Variants in PLEKHG4B observed in about 807,000 individuals in gnomAD.
PLEKHG4B encodes the protein pleckstrin homology domain-containing family G member 4B.
In PLEKHG4B, 111 loss-of-function variants were observed where a neutral mutation model predicts 121.3. The ratio of observed to expected loss-of-function variants is 0.92; its 90% CI spans 0.78 to 1.07. The LOEUF (loss-of-function observed/expected upper bound fraction) is 1.07. PLEKHG4B is among the 50% of genes least tolerant of loss of function. The pLI is 0.00. For synonymous variants in PLEKHG4B, 738 were observed against 725.0 expected, an observed-to-expected ratio of 1.02 and a Z score of -0.29; for missense variants, 1,831 against 1,757.8, an observed-to-expected ratio of 1.04 and a Z score of -0.74.
intron 2 of PLEKHG4B, among the ~76,000 whole-genome samples, chr5:132,872 G>A (rs1315920643): frequency 1.3e-5 from 2 of 152,128 alleles, no homozygotes; most frequent in Non-Finnish European, 2.9e-5. Context: ...CTTTGGCTGT[G>A]TGGGGTCTTT....
intron 13 of PLEKHG4B, 68 bp from the exon 14 acceptor site, chr5:169,272 G>T: frequency 6.3e-7 from 1 of 1,581,584 alleles, no homozygotes; most frequent in Non-Finnish European, 8.6e-7. Flanking sequence ...TCTGTCTCAG[G>T]CATGAATTGC....
At chr5:171,181 G>T (rs545919657) in intron 15 of PLEKHG4B, 33 bp from the exon 16 acceptor site, 4 of 1,605,524 alleles carry the variant, frequency 2.5e-6, no homozygotes, top group East Asian at 2.2e-5. Context: ...CCTCAGCCAG[G>T]CCGGAGCTGA....
chr5:140,759 C>T (rs1258351672), intron 3 of PLEKHG4B, 43 bp downstream of exon 3: 1 of 1,468,972 alleles, frequency 6.8e-7, no homozygotes, highest in Non-Finnish European at 9.0e-7. Flanking sequence ...CCCACAACCT[C>T]CCCTACACAT....
Position 163,503 on chromosome 5 carries a change from C to T in PLEKHG4B, c.3431C>T (p.Ser1144Leu), listed in dbSNP as rs200369452. Residue 1144 changes from serine (S) to leucine (L), a missense_variant, in exon 13 of 20, where the codon TCG becomes TTG. By Grantham distance (145) the Ser-to-Leu change is moderately radical (BLOSUM62 -2). Coordinates refer to ENST00000637938, the MANE Select transcript of PLEKHG4B (RefSeq NM_052909.5). ...VTQSRSLSSPSGLHPAEEDGR... is the reference protein window; with the variant it reads ...VTQSRSLSSPLGLHPAEEDGR... ...CAGAGCCGGAGTCTGTCCTCCCCCT[C>T]GGGGCTCCACCCTGCTGAGGAGGAT... The T allele has an allele frequency of 4.5e-5, 72 of 1,611,712 alleles. No individual in the cohort carries two copies. The Admixed American group carries it at 4.5e-4, about 10-fold the overall frequency.
rs1405293021 is a variant in PLEKHG4B, at chr5:183,321, G to A, written c.*998G>A. On this transcript the variant is annotated 3_prime_UTR_variant, in exon 20 of 20. Transcript: ENST00000637938. ...AGGTAAACTCACAGTGCCTGACCTC[G>A]GAGTGCCAGGCGTGCAGAGGAGCAG... The A allele has an allele frequency of 6.6e-6, 1 of 152,180 alleles. No homozygotes were observed. Among genetic ancestry groups the A allele is most frequent in the Non-Finnish European group, 1.5e-5 (1 of 68,048 alleles). 9.4% of individuals were successfully genotyped at this position (152,180 alleles called of 1,614,324 possible). A position where few individuals can be genotyped will look rare whatever the true frequency, so the allele number is the denominator to read the frequency against.
chr5:143,263 G>A lies in PLEKHG4B; in HGVS notation c.1687+7G>A, dbSNP rs779017572. 5.0e-6 allele frequency: 8 copies of A among 1,609,678 alleles called. No homozygotes were observed. The highest frequency in any genetic ancestry group is 1.1e-5 in the South Asian group (1 of 91,070). ...GGGGTCGTCACCCTCCCAGGTGAGAGCACATGCCAGGCTCTCCTGTCAGGG... is the reference window on the plus strand; with the variant it reads ...GGGGTCGTCACCCTCCCAGGTGAGAACACATGCCAGGCTCTCCTGTCAGGG... On this transcript the variant is annotated splice_region_variant and intron_variant, in intron 4 of 19. Transcript: ENST00000637938.
At chr5:93,811 G>T (rs1415191579) in intron 1 of PLEKHG4B, among the ~76,000 whole-genome samples, 1 of 152,200 alleles carries the variant, frequency 6.6e-6, no homozygotes, top group African/African-American at 2.4e-5. Flanking sequence ...GCCCAGAAAT[G>T]CTGGGCTGAG....
Position 113,507 on chromosome 5 carries a change from C to T in PLEKHG4B, c.243+59C>T. The T allele has an allele frequency of 2.5e-6, 1 of 398,912 alleles. No individual in the cohort carries two copies. Among genetic ancestry groups the T allele is most frequent in the East Asian group, 3.6e-5 (1 of 28,064 alleles). The allele number at this position is 398,912 out of a possible 1,614,324, so 24.7% of individuals were successfully genotyped here. ...CCAACCTGGAGGAACCTGCCCTTTC[C>T]CTGGGCAGGGCAGGAATTGGGCCCA... On this transcript the variant is annotated intron_variant, in intron 2 of 19. Transcript: ENST00000637938. The surrounding 1 kb of genome is among the most constrained non-coding windows in gnomAD (Gnocchi z 5.2).
At chr5:181,435 A>G in intron 18 of PLEKHG4B, 79 bp from the exon 19 acceptor site, 1 of 1,463,358 alleles carries the variant, frequency 6.8e-7, no homozygotes, top group Middle Eastern at 2.2e-4. Flanking sequence ...GGCTGAGGGC[A>G]TTAGGGGTAC....
At chr5:106,902 G>A (rs936921727) in intron 1 of PLEKHG4B, among the ~76,000 whole-genome samples, 7 of 152,222 alleles carry the variant, frequency 4.6e-5, no homozygotes, top group South Asian at 2.1e-4. Flanking sequence ...GTGTATGTAC[G>A]TGTGTGTGCA....
At chr5:147,171 C>T (rs1335540740) in intron 6 of PLEKHG4B, among the ~76,000 whole-genome samples, 1 of 152,228 alleles carries the variant, frequency 6.6e-6, no homozygotes, top group African/African-American at 2.4e-5. Context: ...GAGGTCCAGA[C>T]AAGAAGTGCC....
At position 143,511 on chromosome 5, in the gene PLEKHG4B, G is replaced by C. The variant is rs200394147; in HGVS notation, c.1811+8G>C. ...CTTCCATAGCATCCCCAGGTGGGAC[G>C]GGGGGCAAGGCCGCACCCTGCAGAC... On this transcript the variant is annotated splice_region_variant and intron_variant, in intron 5 of 19. Coordinates refer to ENST00000637938, the MANE Select transcript of PLEKHG4B (RefSeq NM_052909.5). 4 of 1,612,238 alleles carry C rather than the reference G, an allele frequency of 2.5e-6. No homozygotes were observed. The highest frequency in any genetic ancestry group is 1.1e-5 in the South Asian group (1 of 91,058).
At position 157,609 on chromosome 5, in the gene PLEKHG4B, G is replaced by T. The variant is rs1579300670; in HGVS notation, c.2487+698G>T. Among the ~76,000 whole-genome samples the T allele has an allele frequency of 6.6e-6, 1 of 152,090 alleles. No homozygotes were observed. Among genetic ancestry groups the T allele is most frequent in the Non-Finnish European group, 1.5e-5 (1 of 68,018 alleles). On this transcript the variant is annotated intron_variant, in intron 11 of 19. Coordinates refer to ENST00000637938, the MANE Select transcript of PLEKHG4B (RefSeq NM_052909.5). The surrounding 1 kb of genome is among the most constrained non-coding windows in gnomAD (Gnocchi z 4.6). ...TCTGAAATGATTGCTTAGCTCGGGGGGCACCAGCGAAATGATTGCTTAGCT... is the reference window on the plus strand; with the variant it reads ...TCTGAAATGATTGCTTAGCTCGGGGTGCACCAGCGAAATGATTGCTTAGCT...
chr5:183,538 G>C lies in PLEKHG4B; in HGVS notation c.*1215G>C, dbSNP rs1192089058. 2 of 152,232 alleles carry C rather than the reference G, an allele frequency of 1.3e-5. No individual in the cohort carries two copies. The highest frequency in any genetic ancestry group is 6.5e-5 in the Admixed American group (1 of 15,284). 9.4% of individuals were successfully genotyped at this position (152,232 alleles called of 1,614,324 possible). On this transcript the variant is annotated 3_prime_UTR_variant, in exon 20 of 20. Transcript: ENST00000637938. ...GCGGATCACGAGGTCAGGAGATCAA[G>C]ACCATCCTGGCTAACATGGTGAAAC...
chr5:138,040 G>C (rs1159727974), intron 2 of PLEKHG4B, among the ~76,000 whole-genome samples: 5 of 152,232 alleles, frequency 3.3e-5, no homozygotes, highest in Admixed American at 6.5e-5. Flanking sequence ...GCCAATGTCT[G>C]TATGGACTGT....
In PLEKHG4B at chr5:139,724, C is replaced by T. The variant is rs1286908976; in HGVS notation, c.485C>T (p.Ala162Val). ...ATGTATGGCTGTGTCTTCACGGGGG[C>T]GTTCCTGGAGTGGGTGAACCGGGAG... is the stretch of plus-strand genomic sequence containing the variant. ...EAMYGCVFTG[A>V]FLEWVNRERR... Residue 162 changes from alanine (A) to valine (V), a missense_variant, in exon 3 of 20, where the codon GCG (alanine) becomes GTG (valine). Ala to Val is a moderately conservative substitution (Grantham distance 64). Coordinates refer to ENST00000637938, the MANE Select transcript of PLEKHG4B (RefSeq NM_052909.5). The surrounding 1 kb of genome is among the most constrained non-coding windows in gnomAD (Gnocchi z 5.0). 1.5e-5 allele frequency: 6 copies of T among 398,790 alleles called. No homozygotes were observed. Among genetic ancestry groups the T allele is most frequent in the African/African-American group, 8.2e-5 (4 of 48,602 alleles). The allele number at this position is 398,790 out of a possible 1,614,324, so 24.7% of individuals were successfully genotyped here. A position where few individuals can be genotyped will look rare whatever the true frequency, so the allele number is the denominator to read the frequency against.
chr5:183,431 CTG>C lies in PLEKHG4B; in HGVS notation c.*1111_*1112del, dbSNP rs1283600697. ...CTGTGCTAGAATCACAGAATTCAAA[CTG>C]TGGCTGAAATCGCAGCCCAGGCGTC... On this transcript the variant is annotated 3_prime_UTR_variant, in exon 20 of 20. Coordinates refer to ENST00000637938, the MANE Select transcript of PLEKHG4B (RefSeq NM_052909.5). 3.9e-5 allele frequency: 6 copies of C among 152,210 alleles called. No homozygotes were observed. The highest frequency in any genetic ancestry group is 7.3e-5 in the Non-Finnish European group (5 of 68,048). 9.4% of individuals were successfully genotyped at this position (152,210 alleles called of 1,614,324 possible).
intron 2 of PLEKHG4B, among the ~76,000 whole-genome samples, chr5:118,723 A>C (rs1239504841): frequency 6.6e-6 from 1 of 152,192 alleles, no homozygotes; most frequent in African/African-American, 2.4e-5. Context: ...TACTTTGCCC[A>C]GATCTAGGGT....
At chr5:142,933 C>A (rs1049839293) in intron 3 of PLEKHG4B, 114 bp from the exon 4 acceptor site, 23 of 1,001,538 alleles carry the variant, frequency 2.3e-5, no homozygotes, top group Admixed American at 6.0e-5. Flanking sequence ...TTCTCGGAAC[C>A]CCCTACTTTC....
Sources: gnomAD v4.1 joint callset for allele counts (sites outside exome capture counted in the v4.1 genomes callset) on GRCh38, gnomAD v4.1.1 for gene constraint, Gnocchi (gnomAD v3.1) non-coding constraint, MANE v1.5 for transcripts, NCBI Gene and HGNC (gene_info 2026-07-23, HGNC 2026-07-21) for gene names.